CACNA2D3: variants seen among roughly 807,000 people sequenced by gnomAD.
The protein encoded by CACNA2D3 is calcium voltage-gated channel auxiliary subunit alpha2delta 3, also known as voltage-dependent calcium channel subunit alpha-2/delta-3.
CACNA2D3 carries 60 observed loss-of-function variants against 160.6 expected under a neutral mutation model. The ratio of observed to expected loss-of-function variants is 0.37; its 90% CI spans 0.30 to 0.46. The LOEUF is 0.46. Among genes scored for constraint, CACNA2D3 ranks in the 20% least tolerant of loss-of-function variants. The pLI is 1.00. For missense variants in CACNA2D3, 1,205 were observed against 1,365.0 expected, an observed-to-expected ratio of 0.88 and a Z score of 1.85; for synonymous variants, 558 against 492.9, an observed-to-expected ratio of 1.13 and a Z score of -1.75.
At chr3:54,707,540 C>T (rs1411881504) in intron 11 of CACNA2D3, among the ~76,000 whole-genome samples, 1 of 152,156 alleles carries the variant, frequency 6.6e-6, no homozygotes, top group East Asian at 1.9e-4. Context: ...GTGATGGTTT[C>T]AGATTGACAT....
intron 2 of CACNA2D3, among the ~76,000 whole-genome samples, chr3:54,293,672 A>C (rs1703263713): frequency 6.6e-6 from 1 of 152,196 alleles, no homozygotes; most frequent in Admixed American, 6.5e-5. Context: ...TCGCGAATGC[A>C]TCATACTGAG....
At chr3:54,780,858 A>C (rs767006684) in intron 13 of CACNA2D3, among the ~76,000 whole-genome samples, 2 of 152,220 alleles carry the variant, frequency 1.3e-5, no homozygotes, top group Non-Finnish European at 2.9e-5. Context: ...GCTGTTTGCC[A>C]TCATAGCACT....
At chr3:54,256,535 A>C (rs1453426397) in intron 2 of CACNA2D3, among the ~76,000 whole-genome samples, 3 of 152,182 alleles carry the variant, frequency 2.0e-5, no homozygotes, top group Admixed American at 6.5e-5. Context: ...AGGTAAAAAG[A>C]AAGCAGTTTT....
intron 35 of CACNA2D3, among the ~76,000 whole-genome samples, chr3:55,042,027 T>C (rs1471001517): frequency 6.6e-6 from 1 of 152,178 alleles, no homozygotes; most frequent in Non-Finnish European, 1.5e-5. Flanking sequence ...TTCTGCATGA[T>C]GTCAGTATTT....
At chr3:54,394,318 A>ATTTTTTTTTTTTTTTTTTTTT (rs34291779) in intron 4 of CACNA2D3, among the ~76,000 whole-genome samples, 1 of 139,294 alleles carries the variant, frequency 7.2e-6, no homozygotes. Flanking sequence ...GAGAGTGAAC[A>ATTTTTTTTTTTTTTTTTTTTT]TTTTTTTTTT....
chr3:54,791,458 A>T (rs1266100440), intron 13 of CACNA2D3, among the ~76,000 whole-genome samples: 2 of 152,224 alleles, frequency 1.3e-5, no homozygotes, highest in South Asian at 2.1e-4. Context: ...TTTTAGCCTC[A>T]TGGCTTACAT....
At chr3:55,005,994 A>T (rs1432390095) in intron 32 of CACNA2D3, among the ~76,000 whole-genome samples, 1 of 152,236 alleles carries the variant, frequency 6.6e-6, no homozygotes, top group Non-Finnish European at 1.5e-5. Flanking sequence ...CGGTTCTCCT[A>T]CACTGAGGGA....
At chr3:54,377,078 A>G (rs1280887158) in intron 3 of CACNA2D3, among the ~76,000 whole-genome samples, 2 of 152,250 alleles carry the variant, frequency 1.3e-5, no homozygotes, top group Non-Finnish European at 2.9e-5. Context: ...GCTGCCTGCC[A>G]CACTCACCAT....
intron 4 of CACNA2D3, among the ~76,000 whole-genome samples, chr3:54,478,214 A>C (rs2884805): frequency 2.0e-5 from 3 of 151,968 alleles, no homozygotes; most frequent in African/African-American, 4.8e-5. Flanking sequence ...CATAATAAAA[A>C]ATTTAATTAA....
chr3:54,896,251 A>G (rs985967443), intron 25 of CACNA2D3, among the ~76,000 whole-genome samples: 6 of 152,168 alleles, frequency 3.9e-5, no homozygotes, highest in African/African-American at 1.4e-4. Context: ...GTGAGGGAAG[A>G]AGGTACAAAG....
intron 2 of CACNA2D3, among the ~76,000 whole-genome samples, chr3:54,217,970 T>TAG (rs745955170): frequency 9.9e-5 from 15 of 151,024 alleles, no homozygotes; most frequent in Non-Finnish European, 1.9e-4. Context: ...GGGGGTGTTT[T>TAG]AGAGAGAGAG....
chr3:54,810,098 G>A (rs911702794), intron 13 of CACNA2D3, among the ~76,000 whole-genome samples: 5 of 152,174 alleles, frequency 3.3e-5, no homozygotes, highest in Admixed American at 3.3e-4. Context: ...CAGGGAAGTG[G>A]GGTAGTCAGA....
chr3:54,685,219 A>G (rs1360760395), intron 11 of CACNA2D3, among the ~76,000 whole-genome samples: 1 of 152,200 alleles, frequency 6.6e-6, no homozygotes, highest in Non-Finnish European at 1.5e-5. Context: ...ATCAACAACA[A>G]GAAAAAGAAA....
At chr3:54,749,269 A>G (rs1305127391) in intron 11 of CACNA2D3, among the ~76,000 whole-genome samples, 1 of 152,242 alleles carries the variant, frequency 6.6e-6, no homozygotes, top group Non-Finnish European at 1.5e-5. Flanking sequence ...GGATGAGGAC[A>G]TAGCTGCTGG....
intron 11 of CACNA2D3, among the ~76,000 whole-genome samples, chr3:54,680,525 T>G (rs1326204100): frequency 1.3e-5 from 2 of 152,242 alleles, no homozygotes; most frequent in African/African-American, 4.8e-5. Context: ...CTGGGTATCC[T>G]CAGGGTTTCC....
intron 2 of CACNA2D3, among the ~76,000 whole-genome samples, chr3:54,172,031 G>A (rs1392095602): frequency 6.6e-6 from 1 of 152,134 alleles, no homozygotes; most frequent in Non-Finnish European, 1.5e-5. Flanking sequence ...TTATTTCCAC[G>A]GATGGCCTGA....
intron 27 of CACNA2D3, among the ~76,000 whole-genome samples, chr3:54,923,843 A>G (rs1379975461): frequency 6.6e-6 from 1 of 152,200 alleles, no homozygotes; most frequent in East Asian, 1.9e-4. Flanking sequence ...GGGGTTGGCA[A>G]ACTTTTCTGT....
At chr3:54,811,831 G>A (rs1164421808) in intron 13 of CACNA2D3, among the ~76,000 whole-genome samples, 1 of 152,158 alleles carries the variant, frequency 6.6e-6, no homozygotes, top group African/African-American at 2.4e-5. Flanking sequence ...CCATTCAATA[G>A]TCTGGTCACC....
chr3:54,590,119 T>C (rs1702831952), intron 9 of CACNA2D3, among the ~76,000 whole-genome samples: 1 of 152,208 alleles, frequency 6.6e-6, no homozygotes, highest in African/African-American at 2.4e-5. Flanking sequence ...TCATAGCATC[T>C]TTATTTGTAA....
Sources: allele counts gnomAD v4.1 joint callset (sites outside exome capture counted in the v4.1 genomes callset), GRCh38; gene constraint gnomAD v4.1.1; transcripts MANE v1.5; gene names NCBI Gene and HGNC (gene_info 2026-07-23, HGNC 2026-07-21).